CUX2: variants seen among roughly 807,000 people sequenced by gnomAD.
CUX2 encodes cut like homeobox 2.
CUX2 carries 40 observed loss-of-function variants against 144.8 expected under a neutral mutation model. The observed-to-expected ratio is 0.28, with a 90% CI of 0.21 to 0.36. CUX2 has a LOEUF of 0.36. Ranked by LOEUF, CUX2 falls within the 10% of genes least tolerant of loss-of-function variation. The pLI is 1.00. For missense variants in CUX2, 1,615 were observed against 1,994.0 expected, an observed-to-expected ratio of 0.81 and a Z score of 3.62; for synonymous variants, 827 against 875.6, an observed-to-expected ratio of 0.94 and a Z score of 0.98.
chr12:111,180,499 C>T (rs1249083843), intron 1 of CUX2, among the ~76,000 whole-genome samples: 1 of 152,198 alleles, frequency 6.6e-6, no homozygotes, highest in South Asian at 2.1e-4. Context: ...TGGGCCTTTA[C>T]GACAGGCCGA....
Position 111,347,896 on chromosome 12 carries a change from G to A in CUX2, c.4032G>A (p.Val1344=). The A allele has an allele frequency of 6.2e-7, 1 of 1,614,094 alleles. No homozygotes were observed. Residue 1344 remains valine (V), a synonymous_variant, in exon 22 of 22, where the codon GTG becomes GTA. Coordinates refer to ENST00000261726, the MANE Select transcript of CUX2 (RefSeq NM_015267.4). ...DPPGNDGLPK[V]APGPLLPGGS... is the part of the protein sequence containing the mutation. ...CGGGTAATGATGGACTCCCAAAAGT[G>A]GCTCCCGGGCCCCTCCTTCCAGGTG...
chr12:111,316,449 CTTTTTTTTTTTTT>C (rs35751838), intron 16 of CUX2, among the ~76,000 whole-genome samples: 1 of 113,342 alleles, frequency 8.8e-6, no homozygotes, highest in East Asian at 2.7e-4. Flanking sequence ...CCCGGCACTT[CTTTTTTTTTTTTT>C]TTTTTGACAG....
chr12:111,308,855 C>T (rs1187908005), intron 14 of CUX2, among the ~76,000 whole-genome samples: 1 of 152,294 alleles, frequency 6.6e-6, no homozygotes, highest in East Asian at 1.9e-4. Flanking sequence ...CCCCCACAGC[C>T]GACCACTGTG....
intron 4 of CUX2, among the ~76,000 whole-genome samples, chr12:111,290,195 C>G (rs1885594715): frequency 6.6e-6 from 1 of 152,170 alleles, no homozygotes; most frequent in African/African-American, 2.4e-5. Context: ...TGAGACTTGT[C>G]TCTACAAGAA....
intron 20 of CUX2, among the ~76,000 whole-genome samples, chr12:111,340,695 G>A (rs142216368): frequency 1.3e-5 from 2 of 152,312 alleles, no homozygotes; most frequent in African/African-American, 2.4e-5. Context: ...TGTACTTTAC[G>A]TTCTTAGCTC....
Position 111,068,206 on chromosome 12 carries a change from G to A in CUX2, c.63+33966G>A, listed in dbSNP as rs116907940. On this transcript the variant is annotated intron_variant, in intron 1 of 21. Coordinates refer to ENST00000261726, the MANE Select transcript of CUX2 (RefSeq NM_015267.4). This position sits in a 1 kb window ranked among gnomAD's most constrained non-coding sequence, Gnocchi z 4.9. Reference sequence around the variant, plus strand: ...ATCATCTTGGAAAAGATTGTTTTGTGTGCAGTTTACCCAAATGCCACTTTT... The same window carrying A: ...ATCATCTTGGAAAAGATTGTTTTGTATGCAGTTTACCCAAATGCCACTTTT... Among the ~76,000 whole-genome samples, 6 of 152,190 alleles carry A rather than the reference G, an allele frequency of 3.9e-5. No homozygotes were observed. The highest frequency in any genetic ancestry group is 7.4e-5 in the Non-Finnish European group (5 of 67,996).
At chr12:111,249,757 C>T (rs189612361) in intron 3 of CUX2, among the ~76,000 whole-genome samples, 1 of 152,184 alleles carries the variant, frequency 6.6e-6, no homozygotes, top group East Asian at 1.9e-4. Context: ...TACGCCCAGC[C>T]TAGACCCTAT....
At chr12:111,199,799 T>C (rs1880466065) in intron 1 of CUX2, among the ~76,000 whole-genome samples, 1 of 152,106 alleles carries the variant, frequency 6.6e-6, no homozygotes. Context: ...TGTGTTTGTG[T>C]GTTACATGTA....
intron 1 of CUX2, among the ~76,000 whole-genome samples, chr12:111,091,327 T>C (rs1009797194): frequency 5.3e-5 from 8 of 152,138 alleles, no homozygotes; most frequent in Admixed American, 1.3e-4. Context: ...AGGGTGTATT[T>C]CCCGACTCAG....
intron 1 of CUX2, among the ~76,000 whole-genome samples, chr12:111,187,110 A>G (rs1006462287): frequency 6.6e-6 from 1 of 152,192 alleles, no homozygotes; most frequent in Admixed American, 6.5e-5. Flanking sequence ...TCTAAGTATG[A>G]ATGTGCTTAG....
At chr12:111,162,564 C>T (rs1335398252) in intron 1 of CUX2, among the ~76,000 whole-genome samples, 2 of 152,176 alleles carry the variant, frequency 1.3e-5, no homozygotes, top group Admixed American at 6.5e-5. Flanking sequence ...TCCATCACAG[C>T]GATGATGGGA....
In CUX2 at chr12:111,334,650, G is replaced by A. The variant is rs376357240; in HGVS notation, c.3136G>A (p.Glu1046Lys). ...GIQEIVAMSP[E>K]LDTYSITKRV... ...CCAGGAGATCGTGGCCATGTCCCCC[G>A]AGCTGGACACGTACTCCATCACCAA... The change falls in exon 19 of 22, where the codon GAG (glutamate) becomes AAG (lysine). Residue 1046 changes from glutamate (E) to lysine (K), a missense_variant. By Grantham distance (56) the Glu-to-Lys change is moderately conservative. Around this residue, in one of 12 missense-constraint regions of CUX2, gnomAD observed 128 missense variants for 124.4 expected, o/e 1.03. Coordinates refer to ENST00000261726, the MANE Select transcript of CUX2 (RefSeq NM_015267.4). 78 of 1,613,840 alleles carry A rather than the reference G, an allele frequency of 4.8e-5. No homozygotes were observed. Among genetic ancestry groups the A allele is most frequent in the Non-Finnish European group, 6.2e-5 (73 of 1,180,020 alleles).
chr12:111,214,697 C>T (rs1371920259), intron 2 of CUX2, among the ~76,000 whole-genome samples: 5 of 152,162 alleles, frequency 3.3e-5, no homozygotes, highest in South Asian at 2.1e-4. Flanking sequence ...AACACCCTCT[C>T]GGGGCCTGCC....
chr12:111,310,247 A>C lies in CUX2; in HGVS notation c.1465A>C (p.Arg489=). 1 of 1,507,058 alleles carries C rather than the reference A, an allele frequency of 6.6e-7. No homozygotes were observed. The highest frequency in any genetic ancestry group is 8.9e-7 in the Non-Finnish European group (1 of 1,127,406). 93.4% of individuals were successfully genotyped at this position (1,507,058 alleles called of 1,614,324 possible). A position where few individuals can be genotyped will look rare whatever the true frequency, so the allele number is the denominator to read the frequency against. Residue 489 remains arginine (R), a synonymous_variant, in exon 15 of 22, where the codon AGA becomes CGA. Coordinates refer to ENST00000261726, the MANE Select transcript of CUX2 (RefSeq NM_015267.4). The surrounding 1 kb of genome is among the most constrained non-coding windows in gnomAD (Gnocchi z 7.9). ...CTTCCCCAGCCTGGCATCAGGGGAGAGACTGATGATGCCCCCAGCCGCCTT... is the reference window on the plus strand; with the variant it reads ...CTTCCCCAGCCTGGCATCAGGGGAGCGACTGATGATGCCCCCAGCCGCCTT... The part of the protein sequence containing the change: ...SPFPSLASGE[R]LMMPPAAFKG...
intron 1 of CUX2, among the ~76,000 whole-genome samples, chr12:111,151,060 C>A (rs939045043): frequency 1.3e-5 from 2 of 152,104 alleles, no homozygotes; most frequent in Non-Finnish European, 2.9e-5. Flanking sequence ...ATCTCTTGAC[C>A]TTTAAATGTA....
intron 3 of CUX2, among the ~76,000 whole-genome samples, chr12:111,238,142 C>G (rs1215118935): frequency 6.6e-6 from 1 of 152,230 alleles, no homozygotes; most frequent in Non-Finnish European, 1.5e-5. Context: ...TACCCAAATT[C>G]AAGCAGACCT....
rs1297004488 is a variant in CUX2, at chr12:111,246,735, C to T, written c.223-17026C>T. The stretch of plus-strand genomic sequence containing the variant: ...CAAGGCGAGGTCCTTTCTCACCTCT[C>T]ACCTTTGTATGCAACTGCTCTCCCT... On this transcript the variant is annotated intron_variant, in intron 3 of 21. Transcript: ENST00000261726. The surrounding 1 kb of genome is among the most constrained non-coding windows in gnomAD (Gnocchi z 4.0). Among the ~76,000 whole-genome samples, 1 of 152,196 alleles carries T rather than the reference C, an allele frequency of 6.6e-6. No homozygotes were observed. Among genetic ancestry groups the T allele is most frequent in the Non-Finnish European group, 1.5e-5 (1 of 68,048 alleles).
chr12:111,061,955 T>C lies in CUX2; in HGVS notation c.63+27715T>C, dbSNP rs1870794283. 6.6e-6 allele frequency among the ~76,000 whole-genome samples: 1 copy of C among 152,206 alleles called. No individual in the cohort carries two copies. Among genetic ancestry groups the C allele is most frequent in the African/African-American group, 2.4e-5 (1 of 41,444 alleles). ...CGTGCACTCCATCTGTGCCTCAGCT[T>C]CCTCGCCTGTGAAATAGGTCGCCTC... On this transcript the variant is annotated intron_variant, in intron 1 of 21. Transcript: ENST00000261726. This position sits in a 1 kb window ranked among gnomAD's most constrained non-coding sequence, Gnocchi z 4.2.
chr12:111,300,911 G>A (rs1290355254), intron 9 of CUX2, among the ~76,000 whole-genome samples: 7 of 151,954 alleles, frequency 4.6e-5, no homozygotes, highest in Non-Finnish European at 1.0e-4. Flanking sequence ...GGTGGTGTAC[G>A]CCTGTAGTCC....
Sources: allele counts gnomAD v4.1 joint callset (sites outside exome capture counted in the v4.1 genomes callset), GRCh38; gene constraint gnomAD v4.1.1; regional missense constraint gnomAD v4.1.1; non-coding constraint Gnocchi (gnomAD v3.1); transcripts MANE v1.5; gene names NCBI Gene and HGNC (gene_info 2026-07-23, HGNC 2026-07-21).